RIMS1: variants seen among roughly 807,000 people sequenced by gnomAD.
RIMS1 encodes the protein regulating synaptic membrane exocytosis 1, also known as regulating synaptic membrane exocytosis protein 1.
Under a neutral mutation model 214.1 loss-of-function variants are expected in RIMS1, and 83 were observed. The observed-to-expected ratio is 0.39, with a 90% CI of 0.32 to 0.47. The LOEUF (loss-of-function observed/expected upper bound fraction) is 0.47. RIMS1 is among the 20% of genes least tolerant of loss of function. The probability of loss-of-function intolerance (pLI) is 0.99; values close to 1 mark genes in which losing one functional copy is unlikely to be tolerated. For missense variants in RIMS1, 2,050 were observed against 2,161.8 expected, an observed-to-expected ratio of 0.95 and a Z score of 1.03; for synonymous variants, 793 against 786.8, an observed-to-expected ratio of 1.01 and a Z score of -0.13.
At chr6:72,038,612 G>A (rs1011588461) in intron 2 of RIMS1, among the ~76,000 whole-genome samples, 1 of 152,084 alleles carries the variant, frequency 6.6e-6, no homozygotes. Context: ...TTTATTAGGG[G>A]TTATGAAGGG....
intron 28 of RIMS1, among the ~76,000 whole-genome samples, chr6:72,331,795 G>A (rs1234614783): frequency 6.6e-6 from 1 of 151,804 alleles, no homozygotes; most frequent in Non-Finnish European, 1.5e-5. Flanking sequence ...AAAATTTTGA[G>A]TTAATGAAAA....
rs535767314 is a variant in RIMS1, at chr6:71,913,129, A to G, written c.164+25942A>G. Among the ~76,000 whole-genome samples the G allele has an allele frequency of 3.3e-5, 5 of 152,260 alleles. No homozygotes were observed. In the East Asian group the frequency reaches 7.7e-4, roughly 23 times the overall value. ...GTGCTAATGCCTTAATATAGCCCAAAGTTTCTATATTGTCTGTTTTTATTA... is the reference window on the plus strand; with the variant it reads ...GTGCTAATGCCTTAATATAGCCCAAGGTTTCTATATTGTCTGTTTTTATTA... On this transcript the variant is annotated intron_variant, in intron 1 of 33. Transcript: ENST00000521978.
intron 24 of RIMS1, among the ~76,000 whole-genome samples, chr6:72,289,793 A>T (rs970854014): frequency 6.6e-6 from 1 of 152,142 alleles, no homozygotes; most frequent in Non-Finnish European, 1.5e-5. Flanking sequence ...TTAAAAAGGG[A>T]TGAGGTATCA....
chr6:71,950,063 CAAAT>C (rs1388442959), intron 1 of RIMS1, among the ~76,000 whole-genome samples: 1 of 152,012 alleles, frequency 6.6e-6, no homozygotes, highest in Non-Finnish European at 1.5e-5. Context: ...CATGCAAATG[CAAAT>C]AAATCTCAAA....
chr6:71,978,565 G>A (rs1797724514), intron 2 of RIMS1, among the ~76,000 whole-genome samples: 1 of 151,956 alleles, frequency 6.6e-6, no homozygotes, highest in African/African-American at 2.4e-5. Flanking sequence ...CATTTACTGA[G>A]TAAAATCCAG....
chr6:72,241,472 G>A lies in RIMS1; in HGVS notation c.1958-842G>A, dbSNP rs748317023. 1.2e-4 allele frequency among the ~76,000 whole-genome samples: 18 copies of A among 151,890 alleles called. 1 individual carries two copies. Among genetic ancestry groups the A allele is most frequent in the Non-Finnish European group, 2.2e-4 (15 of 67,996 alleles). ...AAATACTTTTTTTCACGTGACCTAT[G>A]GTGTGAAAACCCTAGTTAAAATAAC... On this transcript the variant is annotated intron_variant, in intron 9 of 33. Coordinates refer to ENST00000521978, the MANE Select transcript of RIMS1 (RefSeq NM_014989.7).
intron 28 of RIMS1, among the ~76,000 whole-genome samples, chr6:72,326,217 C>T (rs920892868): frequency 1.4e-4 from 21 of 151,782 alleles, no homozygotes; most frequent in African/African-American, 4.3e-4. Context: ...TGTTTTTAAG[C>T]TAAGTTTGTC....
rs578220984 is a variant in RIMS1 at position 72,190,670 on chromosome 6, G to T, written c.1678+7521G>T. ...ATGCTGTGGGGGAGAAGGCAGGGTGGCAGGAGTGGAGATGATGGGCATTTG... is the reference window on the plus strand; with the variant it reads ...ATGCTGTGGGGGAGAAGGCAGGGTGTCAGGAGTGGAGATGATGGGCATTTG... On this transcript the variant is annotated intron_variant, in intron 6 of 33. Coordinates refer to ENST00000521978, the MANE Select transcript of RIMS1 (RefSeq NM_014989.7). Among the ~76,000 whole-genome samples the T allele has an allele frequency of 2.0e-5, 3 of 152,162 alleles. No individual in the cohort carries two copies. In the East Asian group the frequency reaches 5.8e-4, roughly 30 times the overall value.
chr6:72,335,102 C>T (rs971249852), intron 29 of RIMS1, among the ~76,000 whole-genome samples: 7 of 151,828 alleles, frequency 4.6e-5, no homozygotes, highest in Non-Finnish European at 8.8e-5. Flanking sequence ...GGGATACATG[C>T]GCAGAAAGTG....
chr6:72,373,747 T>A (rs2098289605), intron 29 of RIMS1, among the ~76,000 whole-genome samples: 2 of 152,140 alleles, frequency 1.3e-5, no homozygotes, highest in Non-Finnish European at 2.9e-5. Flanking sequence ...TTTAGTCAAT[T>A]CCTTAAGATA....
At chr6:72,262,185 C>T in intron 19 of RIMS1, 1 of 931,738 alleles carries the variant, frequency 1.1e-6, no homozygotes, top group Non-Finnish European at 1.3e-6. Context: ...AAATATTTTT[C>T]TTTCCCTTAT....
At chr6:72,250,535 T>C in intron 13 of RIMS1, 75 bp downstream of exon 13, 2 of 1,121,408 alleles carry the variant, frequency 1.8e-6, no homozygotes, top group Non-Finnish European at 1.3e-6. Context: ...TCTTTTGGGA[T>C]GTTTTTAAAA....
At chr6:72,108,163 A>T (rs1026846655) in intron 4 of RIMS1, among the ~76,000 whole-genome samples, 47 of 152,030 alleles carry the variant, frequency 3.1e-4, no homozygotes, top group African/African-American at 1.1e-3. Flanking sequence ...GACTGAAGTG[A>T]AGTCTCCTGT....
chr6:72,243,137 T>G (rs1488021795), intron 10 of RIMS1, among the ~76,000 whole-genome samples: 1 of 151,788 alleles, frequency 6.6e-6, no homozygotes, highest in African/African-American at 2.4e-5. Context: ...TTTGAACTGT[T>G]TTATTATACT....
chr6:72,166,608 G>T (rs2153945671), intron 4 of RIMS1, among the ~76,000 whole-genome samples: 1 of 152,032 alleles, frequency 6.6e-6, no homozygotes, highest in African/African-American at 2.4e-5. Context: ...GAGCATAGTG[G>T]CTCACACCTG....
chr6:72,296,440 T>A (rs2094104174), intron 26 of RIMS1, among the ~76,000 whole-genome samples: 2 of 151,950 alleles, frequency 1.3e-5, no homozygotes, highest in Non-Finnish European at 2.9e-5. Flanking sequence ...AGCTGCTGCC[T>A]AAATGTTACT....
chr6:72,392,813 A>C lies in RIMS1; in HGVS notation c.4618+3A>C. ...AACCCTTGCCACCCCTGCAATGGGT[A>C]AGAATCATTTTTTTTTTCTACAAGA... is the stretch of plus-strand genomic sequence containing the variant. On this transcript the variant is annotated splice_donor_region_variant and intron_variant, in intron 31 of 33. Transcript: ENST00000521978. The C allele has an allele frequency of 6.4e-7, 1 of 1,573,784 alleles. No individual in the cohort carries two copies. The highest frequency in any genetic ancestry group is 8.7e-7 in the Non-Finnish European group (1 of 1,154,760).
chr6:71,944,436 G>A (rs539475415), intron 1 of RIMS1, among the ~76,000 whole-genome samples: 26 of 152,280 alleles, frequency 1.7e-4, no homozygotes, highest in Admixed American at 1.3e-3. Flanking sequence ...GGGGCATAAC[G>A]TGCAACCATT....
chr6:71,972,479 G>A (rs1416995386), intron 2 of RIMS1, among the ~76,000 whole-genome samples: 1 of 152,164 alleles, frequency 6.6e-6, no homozygotes, highest in African/African-American at 2.4e-5. Context: ...ATTCTATTAT[G>A]CAAGTCTAGA....
Sources: gnomAD v4.1 joint callset for allele counts (sites outside exome capture counted in the v4.1 genomes callset) on GRCh38, gnomAD v4.1.1 for gene constraint, MANE v1.5 for transcripts, NCBI Gene and HGNC (gene_info 2026-07-23, HGNC 2026-07-21) for gene names.